The following ATP8A2 variants were observed in gnomAD, a reference collection of about 807,000 sequenced individuals.
ATP8A2 encodes the protein phospholipid-transporting ATPase IB.
Under a neutral mutation model 165.6 loss-of-function variants are expected in ATP8A2, and 100 were observed. That is an observed-to-expected ratio of 0.60 (90% CI 0.51 to 0.71). ATP8A2 has a LOEUF of 0.71. Ranked by LOEUF, ATP8A2 falls within the 30% of genes least tolerant of loss-of-function variation. The pLI is 0.00. For synonymous variants in ATP8A2, 543 were observed against 548.8 expected, an observed-to-expected ratio of 0.99 and a Z score of 0.15; for missense variants, 1,227 against 1,479.5, an observed-to-expected ratio of 0.83 and a Z score of 2.80.
chr13:25,812,172 G>C (rs899302136), intron 27 of ATP8A2, among the ~76,000 whole-genome samples: 1 of 151,588 alleles, frequency 6.6e-6, no homozygotes, highest in Non-Finnish European at 1.5e-5. Context: ...TTTCTCTGTG[G>C]TTTCTAATGG....
chr13:25,863,158 A>G (rs368544223), intron 33 of ATP8A2: 11 of 152,352 alleles, frequency 7.2e-5, no homozygotes, highest in African/African-American at 2.6e-4. Context: ...GCCCACATCC[A>G]GCACTGCCCT....
intron 1 of ATP8A2, among the ~76,000 whole-genome samples, chr13:25,429,804 G>T (rs2034555496): frequency 6.6e-6 from 1 of 152,148 alleles, no homozygotes; most frequent in African/African-American, 2.4e-5. Flanking sequence ...CACAGCATTG[G>T]GCAGGGAGCG....
chr13:26,000,700 C>CAAA (rs5802358), intron 35 of ATP8A2, among the ~76,000 whole-genome samples: 43,571 of 109,650 alleles, frequency 0.4, 9,098 homozygotes, highest in Non-Finnish European at 0.44. Context: ...AGTACAGAGC[C>CAAA]AAAAAAAAAA....
chr13:25,955,330 T>A (rs1424135387), intron 33 of ATP8A2, among the ~76,000 whole-genome samples: 2 of 152,134 alleles, frequency 1.3e-5, no homozygotes, highest in African/African-American at 4.8e-5. Flanking sequence ...AATCAGTTAA[T>A]CCAGGAGCTG....
At chr13:25,685,519 A>G (rs549029163) in intron 24 of ATP8A2, among the ~76,000 whole-genome samples, 2 of 152,182 alleles carry the variant, frequency 1.3e-5, no homozygotes, top group African/African-American at 2.4e-5. Flanking sequence ...ACATGCCCCA[A>G]GGGAAATAAA....
At chr13:25,777,934 CT>C (rs1298596944) in intron 27 of ATP8A2, among the ~76,000 whole-genome samples, 1 of 152,170 alleles carries the variant, frequency 6.6e-6, no homozygotes, top group Non-Finnish European at 1.5e-5. Flanking sequence ...CTGTCCTGAC[CT>C]TTTTCTCTGT....
intron 24 of ATP8A2, among the ~76,000 whole-genome samples, chr13:25,628,983 T>A (rs540514463): frequency 8.5e-5 from 13 of 152,292 alleles, no homozygotes; most frequent in Middle Eastern, 3.4e-3. Context: ...TTTGATAACT[T>A]GGTGATCATC....
chr13:25,829,670 A>ATGTATGTG (rs1156330902), intron 28 of ATP8A2, among the ~76,000 whole-genome samples: 1 of 6,924 alleles, frequency 1.4e-4, no homozygotes, highest in African/African-American at 5.0e-4. Flanking sequence ...CAGGTGTGGT[A>ATGTATGTG]TATATATATA....
At chr13:25,883,660 T>G (rs1427121748) in intron 33 of ATP8A2, among the ~76,000 whole-genome samples, 1 of 152,234 alleles carries the variant, frequency 6.6e-6, no homozygotes, top group Non-Finnish European at 1.5e-5. Context: ...GTAGTGGACA[T>G]CTGGGGAAGA....
chr13:25,871,722 T>G (rs1244677722), intron 33 of ATP8A2, among the ~76,000 whole-genome samples: 1 of 152,184 alleles, frequency 6.6e-6, no homozygotes, highest in Non-Finnish European at 1.5e-5. Flanking sequence ...AAGCATCCAC[T>G]GAGTAAATTG....
At chr13:25,589,924 C>T (rs946201651) in intron 24 of ATP8A2, among the ~76,000 whole-genome samples, 1 of 152,090 alleles carries the variant, frequency 6.6e-6, no homozygotes, top group East Asian at 1.9e-4. Flanking sequence ...TACTTTTATT[C>T]ATCTAGAATT....
chr13:25,458,509 C>T (rs912349445), intron 1 of ATP8A2, among the ~76,000 whole-genome samples: 1 of 152,192 alleles, frequency 6.6e-6, no homozygotes, highest in Non-Finnish European at 1.5e-5. Flanking sequence ...CTCGCCATGC[C>T]CTGCAGAAGC....
At chr13:25,645,303 A>G (rs1044789281) in intron 24 of ATP8A2, among the ~76,000 whole-genome samples, 2 of 152,210 alleles carry the variant, frequency 1.3e-5, no homozygotes, top group African/African-American at 4.8e-5. Context: ...AGCACAGGAA[A>G]GACTGGCCCC....
Position 25,464,445 on chromosome 13 carries a change from C to CT in ATP8A2, c.77-4531dup, listed in dbSNP as rs1368061267. ...CAAAAAACTGCTGCCTCATCTCTATCTAAAAAAAAAAAAAAAAAAAAATTC... is the reference window on the plus strand; with the variant it reads ...CAAAAAACTGCTGCCTCATCTCTATCTTAAAAAAAAAAAAAAAAAAAAATTC... On this transcript the variant is annotated intron_variant, in intron 1 of 36. Coordinates refer to ENST00000381655, the MANE Select transcript of ATP8A2 (RefSeq NM_016529.6). Among the ~76,000 whole-genome samples the CT allele has an allele frequency of 3.9e-3, 71 of 18,200 alleles. 1 individual carries two copies. The highest frequency in any genetic ancestry group is 0.012 in the African/African-American group (54 of 4,384). 11.9% of individuals were successfully genotyped at this position (18,200 alleles called of 152,430 possible). A position where few individuals can be genotyped will look rare whatever the true frequency, so the allele number is the denominator to read the frequency against.
At chr13:25,792,977 A>G (rs2045219225) in intron 27 of ATP8A2, among the ~76,000 whole-genome samples, 1 of 143,114 alleles carries the variant, frequency 7.0e-6, no homozygotes, top group Non-Finnish European at 1.5e-5. Flanking sequence ...AGAGGGGAGG[A>G]GAGGAGAGGA....
chr13:25,401,454 G>A (rs566739885), intron 1 of ATP8A2, among the ~76,000 whole-genome samples: 30 of 152,218 alleles, frequency 2.0e-4, no homozygotes, highest in African/African-American at 6.7e-4. Flanking sequence ...GTTTGTTCTC[G>A]GGCTGTGGTA....
intron 27 of ATP8A2, among the ~76,000 whole-genome samples, chr13:25,821,738 A>G (rs1366502493): frequency 6.6e-6 from 1 of 152,166 alleles, no homozygotes; most frequent in East Asian, 1.9e-4. Context: ...TTTGCTGTAG[A>G]GAGCTCTTCT....
At chr13:25,552,499 A>G (rs2038855039) in intron 11 of ATP8A2, among the ~76,000 whole-genome samples, 1 of 152,212 alleles carries the variant, frequency 6.6e-6, no homozygotes, top group Non-Finnish European at 1.5e-5. Context: ...AATTGGGAAT[A>G]TATAATTATA....
intron 25 of ATP8A2, among the ~76,000 whole-genome samples, chr13:25,715,270 G>A (rs2138001290): frequency 6.6e-6 from 1 of 152,300 alleles, no homozygotes; most frequent in Middle Eastern, 3.4e-3. Flanking sequence ...TCAGTGCAAT[G>A]TGAAACCTTT....
Sources: gnomAD v4.1 joint callset for allele counts (sites outside exome capture counted in the v4.1 genomes callset) on GRCh38, gnomAD v4.1.1 for gene constraint, MANE v1.5 for transcripts, NCBI Gene and HGNC (gene_info 2026-07-23, HGNC 2026-07-21) for gene names.